Variants in CSGALNACT1 observed in about 807,000 individuals in gnomAD.
The protein encoded by CSGALNACT1 is chondroitin sulfate N-acetylgalactosaminyltransferase 1.
In CSGALNACT1, 52 loss-of-function variants were observed where a neutral mutation model predicts 51.0. That is an observed-to-expected ratio of 1.02 (90% confidence interval 0.82 to 1.29). CSGALNACT1 has a LOEUF of 1.29. Among genes scored for constraint, CSGALNACT1 ranks in the 50% most tolerant of loss-of-function variants. The pLI is 0.00. For synonymous variants in CSGALNACT1, 341 were observed against 254.4 expected, an observed-to-expected ratio of 1.34 and a Z score of -3.24; for missense variants, 935 against 679.2, an observed-to-expected ratio of 1.38 and a Z score of -4.19.
intron 3 of CSGALNACT1, among the ~76,000 whole-genome samples, chr8:19,544,419 C>T (rs977505515): frequency 3.9e-5 from 6 of 152,092 alleles, no homozygotes; most frequent in Non-Finnish European, 8.8e-5. Context: ...AAACATGAAA[C>T]TTAGATGTTT....
intron 4 of CSGALNACT1, among the ~76,000 whole-genome samples, chr8:19,503,176 G>T (rs2076704233): frequency 1.3e-5 from 2 of 152,278 alleles, no homozygotes; most frequent in African/African-American, 4.8e-5. Flanking sequence ...TAAAGTATTT[G>T]CCTTTATTTA....
At chr8:19,601,927 T>C (rs1331788790) in intron 1 of CSGALNACT1, 62 bp from the exon 2 acceptor site, 7 of 450,690 alleles carry the variant, frequency 1.6e-5, no homozygotes, top group East Asian at 1.4e-4. Context: ...ATGTATGTGG[T>C]ATTACAAAAT....
rs1227296675 is a variant in CSGALNACT1, at chr8:19,703,122, C to T, written c.-297+54728G>A. ...TCACTAGTGTCCCTCCAATAGGATG[C>T]TACTGTCTTCTGATCTATTACCAAA... On this transcript the variant is annotated intron_variant, in intron 1 of 1. Transcript: ENST00000517494. 2.6e-5 allele frequency among the ~76,000 whole-genome samples: 4 copies of T among 152,130 alleles called. No homozygotes were observed. In the South Asian group the frequency reaches 6.2e-4, roughly 24 times the overall value.
At chr8:19,644,731 A>G (rs1421406559) in intron 1 of CSGALNACT1, among the ~76,000 whole-genome samples, 1 of 150,782 alleles carries the variant, frequency 6.6e-6, no homozygotes, top group East Asian at 1.9e-4. Flanking sequence ...AAAAAAAAAA[A>G]AAAAAGAGGA....
chr8:19,436,951 A>G (rs2060478672), intron 6 of CSGALNACT1, among the ~76,000 whole-genome samples: 1 of 152,126 alleles, frequency 6.6e-6, no homozygotes, highest in Admixed American at 6.5e-5. Flanking sequence ...CAAATTTACT[A>G]TATACCTGGC....
intron 1 of CSGALNACT1, among the ~76,000 whole-genome samples, chr8:19,699,796 G>C (rs1264053180): frequency 2.0e-5 from 3 of 152,170 alleles, no homozygotes; most frequent in African/African-American, 7.2e-5. Context: ...TTTATGTTCA[G>C]TGTATTTCAT....
chr8:19,635,756 C>G (rs2957634), intron 1 of CSGALNACT1, among the ~76,000 whole-genome samples: 58,387 of 152,050 alleles, frequency 0.38, 12,399 homozygotes, highest in Non-Finnish European at 0.48. Flanking sequence ...GAGACGGAGT[C>G]TTGCTCTGTT....
intron 3 of CSGALNACT1, among the ~76,000 whole-genome samples, chr8:19,550,275 T>C (rs1274594967): frequency 6.6e-6 from 1 of 152,170 alleles, no homozygotes; most frequent in East Asian, 1.9e-4. Context: ...TGTACAGCAC[T>C]GCACCTGTCT....
intron 1 of CSGALNACT1, among the ~76,000 whole-genome samples, chr8:19,709,584 C>T (rs2062378258): frequency 1.3e-5 from 2 of 152,290 alleles, no homozygotes; most frequent in African/African-American, 2.4e-5. Flanking sequence ...AGCAAGTGCT[C>T]CTGAGGCTGG....
intron 4 of CSGALNACT1, among the ~76,000 whole-genome samples, chr8:19,473,780 A>G (rs2068755998): frequency 6.6e-6 from 1 of 152,194 alleles, no homozygotes; most frequent in African/African-American, 2.4e-5. Flanking sequence ...AGTTTAATCC[A>G]CTGGATATTT....
At chr8:19,428,214 C>T (rs756338667) in intron 6 of CSGALNACT1, among the ~76,000 whole-genome samples, 4 of 152,142 alleles carry the variant, frequency 2.6e-5, no homozygotes, top group African/African-American at 7.2e-5. Context: ...ACACCAGCAT[C>T]GGAGTCTGTA....
exon 4 of CSGALNACT1, chr8:19,505,278 G>A (rs2077095426): frequency 1.2e-6 from 2 of 1,614,212 alleles, no homozygotes; most frequent in East Asian, 2.2e-5. Flanking sequence ...CTCCAAGGCT[G>A]ATTCAATGGC....
chr8:19,567,990 G>A (rs2042234748), intron 3 of CSGALNACT1, among the ~76,000 whole-genome samples: 1 of 152,112 alleles, frequency 6.6e-6, no homozygotes, highest in Non-Finnish European at 1.5e-5. Context: ...TTCTCTAAAA[G>A]TAGCTCAGGT....
Position 19,531,689 on chromosome 8 carries a change from A to AT in CSGALNACT1, c.-296-25560dup, listed in dbSNP as rs895927290. 119 of 152,216 alleles carry AT rather than the reference A, an allele frequency of 7.8e-4. 1 individual carries two copies. The highest frequency in any genetic ancestry group is 2.3e-3 in the African/African-American group (96 of 41,518). The allele number at this position is 152,216 out of a possible 1,614,324, so 9.4% of individuals were successfully genotyped here. On this transcript the variant is annotated intron_variant, in intron 3 of 9. Transcript: ENST00000454498. ...CTCTTCAGAGTATAGCCAAGGTGAA[A>AT]TTTTTTTATCAACTGTGACTTCGGT...
At chr8:19,433,437 G>A (rs1056064160) in intron 6 of CSGALNACT1, among the ~76,000 whole-genome samples, 16 of 152,198 alleles carry the variant, frequency 1.1e-4, no homozygotes, top group Admixed American at 1.0e-3. Flanking sequence ...AAGGCCCTAT[G>A]AATATCTAAT....
chr8:19,498,664 G>A (rs974854831), intron 4 of CSGALNACT1, among the ~76,000 whole-genome samples: 12 of 151,238 alleles, frequency 7.9e-5, no homozygotes, highest in Middle Eastern at 6.8e-3. Flanking sequence ...TGTGTACAAC[G>A]CAGCCAGAAC....
intron 3 of CSGALNACT1, among the ~76,000 whole-genome samples, chr8:19,547,971 C>G (rs2086889100): frequency 6.6e-6 from 1 of 152,174 alleles, no homozygotes; most frequent in African/African-American, 2.4e-5. Flanking sequence ...CCTAAGTTCC[C>G]ACCATATTCC....
At chr8:19,716,661 G>A (rs959794719) in intron 1 of CSGALNACT1, among the ~76,000 whole-genome samples, 26 of 147,492 alleles carry the variant, frequency 1.8e-4, no homozygotes, top group African/African-American at 6.0e-4. Flanking sequence ...ATGAGGTGGT[G>A]CACACCTATA....
intron 7 of CSGALNACT1, among the ~76,000 whole-genome samples, chr8:19,419,573 T>C (rs754210381): frequency 6.6e-6 from 1 of 152,190 alleles, no homozygotes; most frequent in Non-Finnish European, 1.5e-5. Flanking sequence ...GTGAAAGTCA[T>C]TTTAGTACTG....
Sources: gnomAD v4.1 joint callset for allele counts (sites outside exome capture counted in the v4.1 genomes callset) on GRCh38, gnomAD v4.1.1 for gene constraint, MANE v1.5 for transcripts, NCBI Gene and HGNC (gene_info 2026-07-23, HGNC 2026-07-21) for gene names.